Variants in LGALS16 observed in about 807,000 individuals in gnomAD.
The protein encoded by LGALS16 is galectin-16.
A neutral mutation model predicts 13.2 loss-of-function variants in LGALS16; 15 were observed. The observed-to-expected ratio is 1.13, with a 90% CI of 0.76 to 1.75. LGALS16 has a LOEUF of 1.75. Among genes scored for constraint, LGALS16 ranks in the 40% most tolerant of loss-of-function variants. The probability of loss-of-function intolerance (pLI) is 0.00; values close to 1 mark genes in which losing one functional copy is unlikely to be tolerated. For synonymous variants in LGALS16, 66 were observed against 65.4 expected (o/e 1.01, Z -0.05); for missense variants, 198 against 178.4 (o/e 1.11, Z -0.63).
At chr19:39,657,300 T>C (rs1265919872) in intron 1 of LGALS16, among the ~76,000 whole-genome samples, 2 of 152,080 alleles carry the variant, frequency 1.3e-5, no homozygotes, top group Admixed American at 6.5e-5. Context: ...CTTGTAGTCA[T>C]TGTAGAAATC....
rs1445683459 is a variant in LGALS16, at chr19:39,660,569, T to A, written c.*49T>A. 4.6e-6 allele frequency: 7 copies of A among 1,508,568 alleles called. No homozygotes were observed. Among genetic ancestry groups the A allele is most frequent in the Non-Finnish European group, 6.3e-6 (7 of 1,117,358 alleles). The allele number at this position is 1,508,568 out of a possible 1,614,324, so 93.4% of individuals were successfully genotyped here. On this transcript the variant is annotated 3_prime_UTR_variant, in exon 4 of 4. Transcript: ENST00000392051. ...ACCCTCTTTCTACCTGACCATGGGATTCCTAGAGCCTGCTAACAGAATAAT... is the reference window on the plus strand; with the variant it reads ...ACCCTCTTTCTACCTGACCATGGGAATCCTAGAGCCTGCTAACAGAATAAT...
rs2144866562 is a variant in LGALS16, at chr19:39,660,315, G to C, written c.304-80G>C. ...AGGAGTTTTCTTGGGGAATGTTATT[G>C]GTACTAGGGCAGAGTAGAGAAGAGG... On this transcript the variant is annotated intron_variant, in intron 3 of 3. Coordinates refer to ENST00000392051, the MANE Select transcript of LGALS16 (RefSeq NM_001190441.3). 8 of 1,374,094 alleles carry C rather than the reference G, an allele frequency of 5.8e-6. No individual in the cohort carries two copies. In the South Asian group the frequency reaches 9.2e-5, roughly 16 times the overall value. 85.1% of individuals were successfully genotyped at this position (1,374,094 alleles called of 1,614,324 possible). A position where few individuals can be genotyped will look rare whatever the true frequency, so the allele number is the denominator to read the frequency against.
intron 3 of LGALS16, among the ~76,000 whole-genome samples, chr19:39,659,191 C>T (rs1050070733): frequency 2.0e-5 from 3 of 151,818 alleles, no homozygotes; most frequent in African/African-American, 7.3e-5. Context: ...CCTCCACCTC[C>T]CAGATTCAAG....
chr19:39,658,956 A>G (rs1475286759), intron 3 of LGALS16, among the ~76,000 whole-genome samples: 2 of 152,140 alleles, frequency 1.3e-5, no homozygotes, highest in Non-Finnish European at 2.9e-5. Flanking sequence ...TTAAATTTTC[A>G]TGTAGCTGAA....
intron 2 of LGALS16, among the ~76,000 whole-genome samples, 179 bp downstream of exon 2, chr19:39,658,138 G>A (rs1280868628): frequency 6.6e-6 from 1 of 152,216 alleles, no homozygotes; most frequent in Non-Finnish European, 1.5e-5. Flanking sequence ...CTGCATGTGG[G>A]CCAGCCATGG....
intron 1 of LGALS16, among the ~76,000 whole-genome samples, chr19:39,657,256 C>A (rs952179088): frequency 2.0e-5 from 3 of 152,130 alleles, no homozygotes; most frequent in African/African-American, 7.2e-5. Context: ...CAGAGCAAGA[C>A]CCTATCTCAA....
intron 3 of LGALS16, among the ~76,000 whole-genome samples, chr19:39,660,147 A>G (rs1973243088): frequency 6.6e-6 from 1 of 152,204 alleles, no homozygotes; most frequent in Non-Finnish European, 1.5e-5. Context: ...AGGGAGGCTG[A>G]ATAAACAGGG....
intron 3 of LGALS16, among the ~76,000 whole-genome samples, chr19:39,659,121 A>T (rs1973232055): frequency 6.9e-6 from 1 of 145,156 alleles, no homozygotes; most frequent in Non-Finnish European, 1.5e-5. Flanking sequence ...TTTTTTTGAG[A>T]CAGAGACTCA....
chr19:39,659,072 C>T (rs1973230863), intron 3 of LGALS16, among the ~76,000 whole-genome samples: 1 of 151,702 alleles, frequency 6.6e-6, no homozygotes, highest in South Asian at 2.1e-4. Flanking sequence ...ATTACCAGAG[C>T]TCTGCTCTCC....
At chr19:39,657,038 G>C (rs1973202526) in intron 1 of LGALS16, among the ~76,000 whole-genome samples, 1 of 152,004 alleles carries the variant, frequency 6.6e-6, no homozygotes, top group Non-Finnish European at 1.5e-5. Context: ...AAAGATGAGA[G>C]GATAACTTGA....
intron 3 of LGALS16, among the ~76,000 whole-genome samples, chr19:39,659,270 G>A (rs142211215): frequency 2.6e-5 from 4 of 151,754 alleles, no homozygotes; most frequent in Admixed American, 2.6e-4. Context: ...TAGTAGAGAC[G>A]GGGTTTCACC....
chr19:39,658,390 TGTGTGC>T lies in LGALS16; in HGVS notation c.93-65_93-60del, dbSNP rs1022378520. The T allele has an allele frequency of 2.4e-6, 3 of 1,269,538 alleles. No homozygotes were observed. The African/African-American group carries it at 4.4e-5, about 19-fold the overall frequency. 78.6% of individuals were successfully genotyped at this position (1,269,538 alleles called of 1,614,324 possible). On this transcript the variant is annotated intron_variant, in intron 2 of 3. Transcript: ENST00000392051. ...CCCTGGGTAAATGGGGGAAGGGATTTGTGTGCGTGTCAAGTGTGTGTCTGTGCAATG... is the reference window on the plus strand; with the variant it reads ...CCCTGGGTAAATGGGGGAAGGGATTTGTGTCAAGTGTGTGTCTGTGCAATG...
chr19:39,657,768 A>G, intron 1 of LGALS16, 115 bp from the exon 2 acceptor site: 1 of 1,116,926 alleles, frequency 9.0e-7, no homozygotes, highest in Non-Finnish European at 1.3e-6. Context: ...GTGAATGGGG[A>G]GAGTCCACAG....
chr19:39,659,303 AC>A (rs1973234100), intron 3 of LGALS16, among the ~76,000 whole-genome samples: 1 of 151,126 alleles, frequency 6.6e-6, no homozygotes, highest in African/African-American at 2.4e-5. Flanking sequence ...CTGGTCTTGA[AC>A]TCCCAGCCTC....
Position 39,660,492 on chromosome 19 carries a change from C to T in LGALS16, c.401C>T (p.Ser134Leu), listed in dbSNP as rs1399171551. 1 of 1,543,586 alleles carries T rather than the reference C, an allele frequency of 6.5e-7. No homozygotes were observed. Among genetic ancestry groups the T allele is most frequent in the Non-Finnish European group, 8.7e-7 (1 of 1,149,354 alleles). Reference protein sequence around the residue: ...IQVWRDVSLDSVLVNNGRR With the variant: ...IQVWRDVSLDLVLVNNGRR ...GTGTGGAGAGATGTCTCCCTGGACT[C>T]AGTGCTTGTCAACAATGGACGGAGA... Residue 134 changes from serine to leucine, a missense_variant, in exon 4 of 4, where the codon TCA becomes TTA. Transcript: ENST00000392051.
chr19:39,659,069 G>T (rs567734788), intron 3 of LGALS16, among the ~76,000 whole-genome samples: 1 of 151,542 alleles, frequency 6.6e-6, no homozygotes, highest in South Asian at 2.1e-4. Context: ...AACATTACCA[G>T]AGCTCTGCTC....
At chr19:39,656,068 C>T in intron 1 of LGALS16, 92 bp downstream of exon 1, 1 of 1,334,768 alleles carries the variant, frequency 7.5e-7, no homozygotes, top group South Asian at 1.3e-5. Context: ...TATGAGCATT[C>T]CTACTGTGAA....
chr19:39,658,381 G>A (rs1208404130), intron 2 of LGALS16, 79 bp from the exon 3 acceptor site: 3 of 1,209,948 alleles, frequency 2.5e-6, no homozygotes, highest in South Asian at 2.6e-5. Flanking sequence ...GTAAATGGGG[G>A]AAGGGATTTG....
At chr19:39,657,809 C>T (rs775437446) in intron 1 of LGALS16, 74 bp from the exon 2 acceptor site, 5 of 1,519,754 alleles carry the variant, frequency 3.3e-6, no homozygotes, top group Non-Finnish European at 3.6e-6. Context: ...ACCTCCTGCA[C>T]CATGGGAATA....
Sources: allele counts gnomAD v4.1 joint callset (sites outside exome capture counted in the v4.1 genomes callset), GRCh38; gene constraint gnomAD v4.1.1; transcripts MANE v1.5; gene names NCBI Gene and HGNC (gene_info 2026-07-23, HGNC 2026-07-21).